TBL1XR1: variants seen among roughly 807,000 people sequenced by gnomAD.
TBL1XR1 encodes the protein TBL1X/Y related 1.
TBL1XR1 carries 5 observed loss-of-function variants against 66.9 expected under a neutral mutation model. The ratio of observed to expected loss-of-function variants is 0.07; its 90% confidence interval spans 0.04 to 0.16. The LOEUF (loss-of-function observed/expected upper bound fraction) is 0.16. TBL1XR1 is among the 10% of genes least tolerant of loss of function. The pLI, the probability that TBL1XR1 is intolerant of heterozygous loss-of-function variation, is 1.00. For missense variants in TBL1XR1, 238 were observed against 623.2 expected (o/e 0.38, Z 6.58); for synonymous variants, 210 against 206.0 (o/e 1.02, Z -0.17).
At position 177,038,351 on chromosome 3, in the gene TBL1XR1, C is replaced by T; in HGVS notation, c.1009G>A (p.Gly337Arg). 6.3e-7 allele frequency: 1 copy of T among 1,592,574 alleles called. No homozygotes were observed. Residue 337 changes from glycine (G) to arginine (R), a missense_variant, in exon 11 of 16, where the codon GGA (glycine) becomes AGA (arginine). Physicochemically the swap from Gly to Arg is moderately radical, Grantham distance 125 (BLOSUM62 -2). Transcript: ENST00000457928. ...TDMCIHVCKL[G>R]QDRPIKTFQG... ...AATGTTTTAATAGGTCTGTCTTGTC[C>T]TAATTTACAGACATGAATGCACATA...
Position 177,024,367 on chromosome 3 carries a change from A to T in TBL1XR1, c.*1131T>A, listed in dbSNP as rs1378972448. ...TGCTTTGTATAAAGAAAACAACATG[A>T]GAGATTTTTAATACTGGAGTTTGGT... On this transcript the variant is annotated 3_prime_UTR_variant, in exon 16 of 16. Transcript: ENST00000457928. 1.3e-5 allele frequency: 2 copies of T among 151,918 alleles called. No homozygotes were observed. The highest frequency in any genetic ancestry group is 2.9e-5 in the Non-Finnish European group (2 of 68,002). The allele number at this position is 151,918 out of a possible 1,614,324, so 9.4% of individuals were successfully genotyped here.
At chr3:177,191,559 T>C (rs964929344) in intron 1 of TBL1XR1, among the ~76,000 whole-genome samples, 4 of 152,128 alleles carry the variant, frequency 2.6e-5, no homozygotes, top group African/African-American at 9.7e-5. Flanking sequence ...CTTTTGACTA[T>C]TAGCAAAGTG....
intron 2 of TBL1XR1, among the ~76,000 whole-genome samples, chr3:177,072,829 C>T (rs1373227774): frequency 1.2e-4 from 18 of 152,186 alleles, no homozygotes; most frequent in African/African-American, 4.1e-4. Flanking sequence ...TTTGAGAAGC[C>T]GAGGCGGGTG....
chr3:177,154,952 CAAAGA>C (rs1731318082), intron 1 of TBL1XR1, among the ~76,000 whole-genome samples: 1 of 151,996 alleles, frequency 6.6e-6, no homozygotes, highest in African/African-American at 2.4e-5. Flanking sequence ...TCTCTGGCTA[CAAAGA>C]AAAGTCCCAT....
chr3:177,078,975 T>G (rs1458024274), intron 2 of TBL1XR1, among the ~76,000 whole-genome samples: 2 of 151,728 alleles, frequency 1.3e-5, no homozygotes, highest in African/African-American at 4.8e-5. Context: ...TGCTAGGGAC[T>G]TCTCAAAAGG....
chr3:177,175,618 G>C (rs1046684548), intron 1 of TBL1XR1, among the ~76,000 whole-genome samples: 1 of 152,024 alleles, frequency 6.6e-6, no homozygotes, highest in African/African-American at 2.4e-5. Context: ...AGAACATTAG[G>C]TCCAGAAAAA....
intron 1 of TBL1XR1, among the ~76,000 whole-genome samples, chr3:177,196,768 T>C (rs1180453238): frequency 6.8e-6 from 1 of 147,958 alleles, no homozygotes; most frequent in Non-Finnish European, 1.5e-5. Context: ...AAAAAGGGGG[T>C]GTAAATGCAC....
intron 3 of TBL1XR1, among the ~76,000 whole-genome samples, chr3:177,063,965 T>C (rs144687151): frequency 6.6e-6 from 1 of 152,332 alleles, no homozygotes; most frequent in Non-Finnish European, 1.5e-5. Context: ...GCCATGTTTG[T>C]ATTCCTTGCA....
intron 2 of TBL1XR1, among the ~76,000 whole-genome samples, chr3:177,086,688 A>G (rs924368211): frequency 7.2e-5 from 11 of 152,034 alleles, no homozygotes; most frequent in African/African-American, 2.7e-4. Context: ...TTATAACAAT[A>G]TTTAAGTAAG....
At chr3:177,039,602 T>A (rs1281455125) in intron 10 of TBL1XR1, among the ~76,000 whole-genome samples, 3 of 152,180 alleles carry the variant, frequency 2.0e-5, no homozygotes, top group African/African-American at 4.8e-5. Flanking sequence ...TTATTGAACA[T>A]CCTTGTCTCC....
At chr3:177,150,295 GCAAA>G (rs1400370996) in intron 1 of TBL1XR1, among the ~76,000 whole-genome samples, 1 of 152,162 alleles carries the variant, frequency 6.6e-6, no homozygotes, top group African/African-American at 2.4e-5. Flanking sequence ...CAACAGAGGA[GCAAA>G]CAGTGTGGTG....
intron 1 of TBL1XR1, among the ~76,000 whole-genome samples, chr3:177,112,108 T>TATATATATATATATACATATATATATATA (rs1553846589): frequency 2.8e-5 from 1 of 35,724 alleles, no homozygotes; most frequent in African/African-American, 1.5e-4. Context: ...TATATATATA[T>TATATATATATATATACATATATATATATA]TTTTTTTTTT....
chr3:177,085,196 G>A (rs1042580096), intron 2 of TBL1XR1, among the ~76,000 whole-genome samples: 2 of 152,204 alleles, frequency 1.3e-5, no homozygotes. Context: ...ATCCCAAGAT[G>A]TGCATGTGGA....
At position 177,056,092 on chromosome 3, in the gene TBL1XR1, A is replaced by T. The variant is rs1443632967; in HGVS notation, c.59-2174T>A. On this transcript the variant is annotated intron_variant, in intron 3 of 15. Coordinates refer to ENST00000457928, the MANE Select transcript of TBL1XR1 (RefSeq NM_024665.7). ...AAGACTACATCACTGTTTTGTTTTC[A>T]TCTCAGGGTCCTGGAAAGTGGTTGC... Among the ~76,000 whole-genome samples the T allele has an allele frequency of 2.0e-5, 3 of 152,288 alleles. No individual in the cohort carries two copies. The East Asian group carries it at 5.8e-4, about 30-fold the overall frequency.
At chr3:177,197,830 C>T (rs1466893575), upstream of TBL1XR1, among the ~76,000 whole-genome samples, 1 of 147,566 alleles carries the variant, frequency 6.8e-6, no homozygotes, top group Admixed American at 6.7e-5. Flanking sequence ...TCGAAGGCGC[C>T]TCGGGGCCCC....
chr3:177,071,449 G>A (rs1719998538), intron 2 of TBL1XR1, among the ~76,000 whole-genome samples: 1 of 152,082 alleles, frequency 6.6e-6, no homozygotes, highest in Non-Finnish European at 1.5e-5. Context: ...AAAATCCTAC[G>A]TAACTCAGAC....
At chr3:177,166,352 C>G (rs1577361851) in intron 1 of TBL1XR1, among the ~76,000 whole-genome samples, 1 of 152,192 alleles carries the variant, frequency 6.6e-6, no homozygotes, top group East Asian at 1.9e-4. Context: ...AAACAGAGAC[C>G]TTATTCAAAG....
At chr3:177,138,635 G>C (rs138294111) in intron 1 of TBL1XR1, among the ~76,000 whole-genome samples, 127 of 152,236 alleles carry the variant, frequency 8.3e-4, no homozygotes, top group African/African-American at 3.0e-3. Flanking sequence ...ATTGTTGCCA[G>C]GTAAGGCTTT....
At chr3:177,113,168 AG>A (rs1237001887) in intron 1 of TBL1XR1, among the ~76,000 whole-genome samples, 1 of 152,228 alleles carries the variant, frequency 6.6e-6, no homozygotes, top group Non-Finnish European at 1.5e-5. Flanking sequence ...ATTCACATGT[AG>A]AAAAATGAAA....
Sources: allele counts gnomAD v4.1 joint callset (sites outside exome capture counted in the v4.1 genomes callset), GRCh38; gene constraint gnomAD v4.1.1; transcripts MANE v1.5; gene names NCBI Gene and HGNC (gene_info 2026-07-23, HGNC 2026-07-21).